MAGI1: variants seen among roughly 807,000 people sequenced by gnomAD.
The protein encoded by MAGI1 is membrane-associated guanylate kinase, WW and PDZ domain-containing protein 1.
A neutral mutation model predicts 139.9 loss-of-function variants in MAGI1; 58 were observed. The observed-to-expected ratio is 0.41, with a 90% CI of 0.34 to 0.52. The LOEUF (loss-of-function observed/expected upper bound fraction) is 0.52. Among genes scored for constraint, MAGI1 ranks in the 20% least tolerant of loss-of-function variants. MAGI1 has a pLI of 0.12. For missense variants in MAGI1, 1,874 were observed against 1,901.6 expected, an observed-to-expected ratio of 0.99 and a Z score of 0.27; for synonymous variants, 812 against 737.9, an observed-to-expected ratio of 1.10 and a Z score of -1.63.
At chr3:65,555,004 T>C (rs1028979786) in intron 2 of MAGI1, among the ~76,000 whole-genome samples, 1 of 152,238 alleles carries the variant, frequency 6.6e-6, no homozygotes, top group South Asian at 2.1e-4. Flanking sequence ...GATTAGTTAA[T>C]AGCCAATGTT....
chr3:65,885,102 G>A (rs541260147), intron 1 of MAGI1, among the ~76,000 whole-genome samples: 4 of 152,050 alleles, frequency 2.6e-5, no homozygotes, highest in African/African-American at 7.2e-5. Flanking sequence ...ATACCTGGAT[G>A]AAAAAACGTT....
chr3:66,004,652 T>G (rs2066920244), intron 1 of MAGI1, among the ~76,000 whole-genome samples: 1 of 152,194 alleles, frequency 6.6e-6, no homozygotes, highest in African/African-American at 2.4e-5. Flanking sequence ...CAAGTTCACA[T>G]TGTATCTGGC....
intron 2 of MAGI1, among the ~76,000 whole-genome samples, chr3:65,502,707 G>C (rs997777801): frequency 6.6e-6 from 1 of 152,180 alleles, no homozygotes; most frequent in African/African-American, 2.4e-5. Flanking sequence ...ACGAGAATCT[G>C]ACCTTTGGTT....
intron 2 of MAGI1, among the ~76,000 whole-genome samples, chr3:65,612,013 T>C (rs998649266): frequency 3.9e-5 from 6 of 152,064 alleles, no homozygotes; most frequent in Admixed American, 1.3e-4. Context: ...TGTTTTAATA[T>C]GTGCACAATA....
intron 1 of MAGI1, among the ~76,000 whole-genome samples, chr3:65,794,019 A>G (rs1280253593): frequency 6.6e-6 from 1 of 152,156 alleles, no homozygotes; most frequent in Non-Finnish European, 1.5e-5. Context: ...CCTCGGAGCA[A>G]GACAGCCACC....
At chr3:65,488,003 A>G (rs1951733802) in intron 3 of MAGI1, among the ~76,000 whole-genome samples, 1 of 152,262 alleles carries the variant, frequency 6.6e-6, no homozygotes, top group African/African-American at 2.4e-5. Flanking sequence ...CATAATGGAC[A>G]GTACAGAATA....
chr3:65,854,512 T>C (rs1230359069), intron 1 of MAGI1, among the ~76,000 whole-genome samples: 1 of 152,248 alleles, frequency 6.6e-6, no homozygotes, highest in African/African-American at 2.4e-5. Context: ...TGCCAGCGTC[T>C]TCACAACCAC....
intron 1 of MAGI1, among the ~76,000 whole-genome samples, chr3:65,885,175 G>A (rs574752149): frequency 6.6e-6 from 1 of 152,138 alleles, no homozygotes; most frequent in South Asian, 2.1e-4. Context: ...GAGGTGGGCA[G>A]ATCACCTGAG....
At chr3:65,611,972 T>C (rs1368439868) in intron 2 of MAGI1, among the ~76,000 whole-genome samples, 2 of 152,004 alleles carry the variant, frequency 1.3e-5, no homozygotes, top group Non-Finnish European at 2.9e-5. Context: ...ACACTTAGCA[T>C]AAACTTGGTA....
At chr3:65,385,729 T>C (rs575154558) in intron 14 of MAGI1, among the ~76,000 whole-genome samples, 5 of 152,282 alleles carry the variant, frequency 3.3e-5, no homozygotes, top group South Asian at 4.1e-4. Flanking sequence ...TTTATTATAA[T>C]TGCTGAGGCT....
intron 14 of MAGI1, 101 bp from the exon 15 acceptor site, chr3:65,383,724 T>G: frequency 1.3e-6 from 1 of 770,822 alleles, no homozygotes; most frequent in Non-Finnish European, 2.3e-6. Flanking sequence ...TGGTGCTTGA[T>G]CAGATGGAAG....
intron 1 of MAGI1, among the ~76,000 whole-genome samples, chr3:65,790,973 G>A (rs764870030): frequency 6.6e-6 from 1 of 152,052 alleles, no homozygotes; most frequent in East Asian, 1.9e-4. Flanking sequence ...TACTGGAGAG[G>A]TTGAGACAGG....
At chr3:65,483,354 A>C (rs762829139) in intron 3 of MAGI1, among the ~76,000 whole-genome samples, 3 of 152,168 alleles carry the variant, frequency 2.0e-5, no homozygotes, top group Non-Finnish European at 4.4e-5. Flanking sequence ...CTGGCCCCTC[A>C]GGCATTTGAG....
rs150764234 is a variant in MAGI1 at position 65,354,081 on chromosome 3, G to A, written c.*2297C>T. The A allele has an allele frequency of 2.0e-5, 3 of 152,320 alleles. No homozygotes were observed. The East Asian group carries it at 5.8e-4, about 29-fold the overall frequency. The allele number at this position is 152,320 out of a possible 1,614,324, so 9.4% of individuals were successfully genotyped here. ...ATTTAAAACTCTGGATCACAATTGA[G>A]AGCATCAGTCATTTAACATCACAGA... is the stretch of plus-strand genomic sequence containing the variant. On this transcript the variant is annotated 3_prime_UTR_variant, in exon 23 of 23. Transcript: ENST00000402939.
intron 12 of MAGI1, chr3:65,401,839 T>C (rs12634802): frequency 0.26 from 331,633 of 1,252,928 alleles, 45,881 homozygotes; most frequent in East Asian, 0.45. Flanking sequence ...TTATTTCCTT[T>C]CCACACGATC....
At chr3:65,870,560 A>G (rs551460199) in intron 1 of MAGI1, among the ~76,000 whole-genome samples, 3 of 150,550 alleles carry the variant, frequency 2.0e-5, no homozygotes, top group African/African-American at 7.3e-5. Context: ...AAAGGAAGAC[A>G]GTAAGAGAGT....
At chr3:65,568,082 G>A (rs1014412992) in intron 2 of MAGI1, among the ~76,000 whole-genome samples, 1 of 152,094 alleles carries the variant, frequency 6.6e-6, no homozygotes, top group Admixed American at 6.6e-5. Context: ...TATTTACCGG[G>A]TAAAGGACAC....
chr3:65,857,625 G>A (rs530981694), intron 1 of MAGI1, among the ~76,000 whole-genome samples: 1 of 152,172 alleles, frequency 6.6e-6, no homozygotes, highest in Non-Finnish European at 1.5e-5. Context: ...GCAAAGCTGT[G>A]ATTTTTAGCT....
intron 1 of MAGI1, among the ~76,000 whole-genome samples, chr3:65,985,380 A>C (rs2065827217): frequency 6.6e-6 from 1 of 152,224 alleles, no homozygotes; most frequent in Non-Finnish European, 1.5e-5. Flanking sequence ...TTTTGGTCAT[A>C]TGCAGAAATG....
Sources: gnomAD v4.1 joint callset for allele counts (sites outside exome capture counted in the v4.1 genomes callset) on GRCh38, gnomAD v4.1.1 for gene constraint, MANE v1.5 for transcripts, NCBI Gene and HGNC (gene_info 2026-07-23, HGNC 2026-07-21) for gene names.